GABRA3: variants seen among roughly 807,000 people sequenced by gnomAD.
GABRA3 encodes the protein gamma-aminobutyric acid receptor subunit alpha-3.
GABRA3 carries 10 observed loss-of-function variants against 30.1 expected under a neutral mutation model. That is an observed-to-expected ratio of 0.33 (90% CI 0.20 to 0.56). The LOEUF is 0.56. GABRA3 is among the 20% of genes least tolerant of loss of function. The pLI, the probability that GABRA3 is intolerant of heterozygous loss-of-function variation, is 0.89. For synonymous variants in GABRA3, 151 were observed against 146.8 expected (o/e 1.03, Z -0.21); for missense variants, 233 against 392.0 (o/e 0.59, Z 3.42).
chrX:152,252,649 A>G (rs771831928), intron 5 of GABRA3, among the ~76,000 whole-genome samples: 4 of 111,789 alleles, frequency 3.6e-5, no homozygotes, highest in Non-Finnish European at 7.5e-5. Context: ...TTGTTTTGAA[A>G]CTTTAATTTA....
At chrX:152,226,306 T>C (rs1053983282) in intron 5 of GABRA3, among the ~76,000 whole-genome samples, 6 of 111,967 alleles carry the variant, frequency 5.4e-5, no homozygotes, top group Non-Finnish European at 1.1e-4. Context: ...TATGAAGGCA[T>C]AGAAGGTTCA....
chrX:152,168,007 G>A lies in GABRA3; in HGVS notation c.*221C>T, dbSNP rs1409634360. 2 of 412,948 alleles carry A rather than the reference G, an allele frequency of 4.8e-6. No individual in the cohort carries two copies. The highest frequency in any genetic ancestry group is 3.8e-5 in the East Asian group (1 of 26,105). 34.0% of individuals were successfully genotyped at this position (412,948 alleles called of 1,213,427 possible). On this transcript the variant is annotated 3_prime_UTR_variant, in exon 10 of 10. Coordinates refer to ENST00000370314, the MANE Select transcript of GABRA3 (RefSeq NM_000808.4). The stretch of plus-strand genomic sequence containing the variant: ...GATGAGCAACTGGACAAATGGCAGT[G>A]TTTGGCTTTGATGGGGTTATACTGG...
chrX:152,272,776 C>T (rs1938970038), intron 4 of GABRA3, among the ~76,000 whole-genome samples: 1 of 111,088 alleles, frequency 9.0e-6, no homozygotes. Flanking sequence ...CAGGTATCCT[C>T]ATGCTGTTCT....
At chrX:152,205,458 A>G (rs1376535815) in intron 7 of GABRA3, among the ~76,000 whole-genome samples, 1 of 111,962 alleles carries the variant, frequency 8.9e-6, no homozygotes, top group Non-Finnish European at 1.9e-5. Context: ...AACACAGAAT[A>G]TAATAGTGGA....
At chrX:152,341,065 A>G (rs1404332773) in intron 3 of GABRA3, among the ~76,000 whole-genome samples, 1 of 109,323 alleles carries the variant, frequency 9.1e-6, no homozygotes, top group Non-Finnish European at 1.9e-5. Flanking sequence ...CCATTTTATC[A>G]CTCTGTCTGC....
At chrX:152,326,724 C>A (rs1442828144) in intron 3 of GABRA3, among the ~76,000 whole-genome samples, 1 of 111,483 alleles carries the variant, frequency 9.0e-6, no homozygotes. Context: ...TGGAAAGGAA[C>A]AACTGGTACC....
intron 5 of GABRA3, among the ~76,000 whole-genome samples, chrX:152,240,131 A>T (rs1327768957): frequency 9.8e-6 from 1 of 102,016 alleles, no homozygotes; most frequent in Non-Finnish European, 1.9e-5. Context: ...AGCAGCTGGT[A>T]CCGGTTGTTC....
intron 6 of GABRA3, among the ~76,000 whole-genome samples, chrX:152,220,614 T>C (rs912596687): frequency 8.9e-6 from 1 of 111,953 alleles, no homozygotes; most frequent in African/African-American, 3.2e-5. Context: ...TGTATAGCAC[T>C]ATTAAATAGC....
intron 1 of GABRA3, among the ~76,000 whole-genome samples, chrX:152,386,697 TG>T (rs1244583386): frequency 9.2e-6 from 1 of 109,139 alleles, no homozygotes; most frequent in Non-Finnish European, 1.9e-5. Context: ...ACACTGTTGG[TG>T]GGACTGTAAA....
chrX:152,311,129 T>C (rs1015570019), intron 3 of GABRA3, among the ~76,000 whole-genome samples: 4 of 111,515 alleles, frequency 3.6e-5, no homozygotes, highest in Non-Finnish European at 7.5e-5. Flanking sequence ...TTCTACCAGA[T>C]GTATAAAGAA....
At chrX:152,224,717 G>C in intron 6 of GABRA3, 46 bp downstream of exon 6, 2 of 926,871 alleles carry the variant, frequency 2.2e-6, no homozygotes, top group Non-Finnish European at 3.1e-6. Flanking sequence ...TCTTTTGGAA[G>C]ATCAGGCAAA....
intron 5 of GABRA3, among the ~76,000 whole-genome samples, chrX:152,237,975 A>G (rs1361224526): frequency 2.7e-5 from 3 of 110,222 alleles, no homozygotes; most frequent in Non-Finnish European, 1.9e-5. Flanking sequence ...CTACTTGAAT[A>G]CCCTTTATTT....
chrX:152,203,124 A>G (rs1937505527), intron 7 of GABRA3, among the ~76,000 whole-genome samples: 1 of 111,888 alleles, frequency 8.9e-6, no homozygotes, highest in South Asian at 3.8e-4. Flanking sequence ...TGGAGGCTGC[A>G]GGGACAAAGG....
At chrX:152,284,497 G>T (rs778970348) in intron 4 of GABRA3, among the ~76,000 whole-genome samples, 171 bp downstream of exon 4, 2 of 111,709 alleles carry the variant, frequency 1.8e-5, no homozygotes, top group Admixed American at 1.9e-4. Context: ...TAGGTGGGGA[G>T]AGCAGGGCAA....
At chrX:152,235,853 A>C (rs1270979820) in intron 5 of GABRA3, among the ~76,000 whole-genome samples, 1 of 110,961 alleles carries the variant, frequency 9.0e-6, no homozygotes, top group Admixed American at 9.6e-5. Flanking sequence ...AAATAGAAAG[A>C]AATCATAAAA....
chrX:152,260,900 A>C (rs1938717332), intron 4 of GABRA3, among the ~76,000 whole-genome samples: 1 of 112,117 alleles, frequency 8.9e-6, no homozygotes, highest in Non-Finnish European at 1.9e-5. Context: ...GTATTACTCC[A>C]TTCTCATGAT....
intron 5 of GABRA3, among the ~76,000 whole-genome samples, chrX:152,239,830 T>C (rs1222238023): frequency 9.6e-6 from 1 of 104,643 alleles, no homozygotes; most frequent in East Asian, 3.4e-4. Context: ...TGCCTTTTTT[T>C]GTTTTCCATT....
chrX:152,341,545 C>CTTTTT (rs1201836478), intron 3 of GABRA3, among the ~76,000 whole-genome samples: 1 of 86,758 alleles, frequency 1.2e-5, no homozygotes. Flanking sequence ...CATCTATTGA[C>CTTTTT]TTTTTTTTTT....
chrX:152,244,241 A>T (rs1040041426), intron 5 of GABRA3, among the ~76,000 whole-genome samples: 1 of 111,951 alleles, frequency 8.9e-6, no homozygotes, highest in South Asian at 3.7e-4. Flanking sequence ...AAATTTTCCA[A>T]CTCAGAAACT....
Sources: allele counts gnomAD v4.1 joint callset (sites outside exome capture counted in the v4.1 genomes callset), GRCh38; gene constraint gnomAD v4.1.1; transcripts MANE v1.5; gene names NCBI Gene and HGNC (gene_info 2026-07-23, HGNC 2026-07-21).